Variants in CDH3 observed in about 807,000 individuals in gnomAD.
The protein encoded by CDH3 is cadherin-3.
CDH3 carries 54 observed loss-of-function variants against 82.0 expected under a neutral mutation model. The ratio of observed to expected loss-of-function variants is 0.66; its 90% CI spans 0.53 to 0.83. The LOEUF is 0.83. CDH3 is among the 40% of genes least tolerant of loss of function. The pLI is 0.00. For missense variants in CDH3, 1,054 were observed against 1,084.6 expected (o/e 0.97, Z 0.40); for synonymous variants, 446 against 437.9 (o/e 1.02, Z -0.23).
At chr16:68,688,282 C>T (rs575528525) in intron 12 of CDH3, among the ~76,000 whole-genome samples, 2 of 151,950 alleles carry the variant, frequency 1.3e-5, no homozygotes, top group South Asian at 2.1e-4. Context: ...CACCCGGCTG[C>T]GTTATGGCTT....
downstream of CDH3, among the ~76,000 whole-genome samples, chr16:68,702,787 C>T (rs1013495016): frequency 6.6e-6 from 1 of 151,972 alleles, no homozygotes; most frequent in Non-Finnish European, 1.5e-5. Context: ...ATCGCTTGAG[C>T]CCAGGAAGCA....
chr16:68,694,550 AGGCG>A (rs1961657069), intron 13 of CDH3, among the ~76,000 whole-genome samples: 1 of 150,314 alleles, frequency 6.7e-6, no homozygotes, highest in African/African-American at 2.5e-5. Flanking sequence ...TGAACCTGGG[AGGCG>A]GAGGTTGCAG....
chr16:68,645,473 G>A lies in CDH3; in HGVS notation c.45+49G>A, dbSNP rs760826178. The stretch of plus-strand genomic sequence containing the variant: ...CCCGACCGGGACCGCTCCCTGGGGG[G>A]CGGGCGGGGTCCGCATGGGGCAGTG... On this transcript the variant is annotated intron_variant, in intron 1 of 15. Transcript: ENST00000264012. The A allele has an allele frequency of 3.8e-6, 6 of 1,598,948 alleles. No individual in the cohort carries two copies. In the African/African-American group the frequency reaches 4.0e-5, roughly 11 times the overall value.
At chr16:68,712,590 G>A (rs921457894) in intron 1 of CDH3, among the ~76,000 whole-genome samples, 5 of 152,120 alleles carry the variant, frequency 3.3e-5, no homozygotes, top group Admixed American at 1.3e-4. Flanking sequence ...ACATTGTGCA[G>A]ATGGTGAAGA....
In CDH3 at chr16:68,698,554, G is replaced by T. The variant is rs1886699; in HGVS notation, c.*154G>T. 562,849 of 657,706 alleles carry T rather than the reference G, an allele frequency of 0.86. 241,922 individuals are homozygous for T. The highest frequency in any genetic ancestry group is 0.89 in the Non-Finnish European group (332,600 of 375,782). 40.7% of individuals were successfully genotyped at this position (657,706 alleles called of 1,614,324 possible). On this transcript the variant is annotated 3_prime_UTR_variant, in exon 16 of 16. Transcript: ENST00000264012. ...GCTATGAGTCTGACGTTAGAGTGGT[G>T]GCTTCCTTAGCCTTTCAGGATGGAG...
chr16:68,725,535 A>T (rs552195408), intron 2 of CDH3, among the ~76,000 whole-genome samples: 36 of 151,810 alleles, frequency 2.4e-4, no homozygotes, highest in African/African-American at 5.3e-4. Flanking sequence ...GGGTTTCACC[A>T]TGTTAGCCAG....
chr16:68,716,942 A>C lies in CDH3; in HGVS notation c.100-5483A>C, dbSNP rs188257095. Among the ~76,000 whole-genome samples the C allele has an allele frequency of 2.6e-3, 391 of 149,754 alleles. 13 individuals carry two copies. In the East Asian group the frequency reaches 0.067, roughly 26 times the overall value. On this transcript the variant is annotated intron_variant, in intron 1 of 2. Transcript: ENST00000569080. Reference sequence around the variant, plus strand: ...GAGACAGGGTCTCACTATGTTGTCCAGGCTACTCTCAAATTCCTGAGCTCA... The same window carrying C: ...GAGACAGGGTCTCACTATGTTGTCCCGGCTACTCTCAAATTCCTGAGCTCA...
rs935956977 is a variant in CDH3 at position 68,698,552 on chromosome 16, G to A, written c.*152G>A. ...AGGCTATGAGTCTGACGTTAGAGTG[G>A]TGGCTTCCTTAGCCTTTCAGGATGG... On this transcript the variant is annotated 3_prime_UTR_variant, in exon 16 of 16. Coordinates refer to ENST00000264012, the MANE Select transcript of CDH3 (RefSeq NM_001793.6). The A allele has an allele frequency of 7.3e-6, 5 of 686,366 alleles. No individual in the cohort carries two copies. The African/African-American group carries it at 8.9e-5, about 12-fold the overall frequency. The allele number at this position is 686,366 out of a possible 1,614,324, so 42.5% of individuals were successfully genotyped here.
chr16:68,663,677 G>A (rs61628060), intron 2 of CDH3, among the ~76,000 whole-genome samples: 52,575 of 151,920 alleles, frequency 0.35, 10,046 homozygotes, highest in East Asian at 0.63. Flanking sequence ...GAGATGGAAG[G>A]GGCCTAAGTC....
chr16:68,673,401 A>G (rs992569331), intron 2 of CDH3, among the ~76,000 whole-genome samples: 1 of 152,048 alleles, frequency 6.6e-6, no homozygotes, highest in Non-Finnish European at 1.5e-5. Flanking sequence ...TCCCCAACAG[A>G]AACTCTGTAC....
intron 3 of CDH3, among the ~76,000 whole-genome samples, chr16:68,677,880 C>G (rs1961075645): frequency 6.6e-6 from 1 of 152,128 alleles, no homozygotes; most frequent in Non-Finnish European, 1.5e-5. Flanking sequence ...TAAGTAAACA[C>G]CGAGTTTCCC....
At position 68,685,267 on chromosome 16, in the gene CDH3, C is replaced by T; in HGVS notation, c.1487C>T (p.Thr496Ile). The change falls in exon 11 of 16, where the codon ACA becomes ATA. Residue 496 changes from threonine (T) to isoleucine (I), a missense_variant. Physicochemically the swap from Thr to Ile is moderately conservative, Grantham distance 89 (BLOSUM62 -1). Transcript: ENST00000264012. ...ATGGACCCAGACAGTGGGCAGGTCA[C>T]AGCTGTGGGCACCCTCGACCGTGAG... ...LAMDPDSGQV[T>I]AVGTLDREDE... The T allele has an allele frequency of 6.2e-7, 1 of 1,614,152 alleles. No homozygotes were observed.
chr16:68,684,621 C>G lies in CDH3; in HGVS notation c.1221C>G (p.Tyr407Ter), dbSNP rs368241091. 1 of 1,614,208 alleles carries G rather than the reference C, an allele frequency of 6.2e-7. No individual in the cohort carries two copies. The highest frequency in any genetic ancestry group is 8.5e-7 in the Non-Finnish European group (1 of 1,180,030). ...AGGCCAAAAACCAGCACACCCTGTACGTTGAAGTGACCAACGAGGCCCCTT... is the reference window on the plus strand; with the variant it reads ...AGGCCAAAAACCAGCACACCCTGTAGGTTGAAGTGACCAACGAGGCCCCTT... ...DFEAKNQHTL[Y>*]VEVTNEAPFV... The change falls in exon 10 of 16, where the codon TAC (tyrosine) becomes TAG (stop). Residue 407 changes from tyrosine to a stop codon, truncating the protein, a stop_gained. Transcript: ENST00000264012. LOFTEE classifies it high-confidence loss of function.
chr16:68,709,242 A>AT lies in CDH3; in HGVS notation c.100-13177dup, dbSNP rs530328296. 2.0e-3 allele frequency among the ~76,000 whole-genome samples: 298 copies of AT among 151,956 alleles called. 2 individuals are homozygous for AT. Among genetic ancestry groups the AT allele is most frequent in the Middle Eastern group, 3.4e-3 (1 of 294 alleles). On this transcript the variant is annotated intron_variant, in intron 1 of 2. Coordinates refer to the CDH3 transcript ENST00000569080. ...AGGTGTGTACCACCACCCCCAGCTG[A>AT]TTTTTTGTTTTTGGTAAGGAAGGGG...
chr16:68,681,666 C>T (rs528515179), intron 8 of CDH3, among the ~76,000 whole-genome samples: 6 of 152,224 alleles, frequency 3.9e-5, no homozygotes, highest in Admixed American at 6.5e-5. Flanking sequence ...GGCGAAACCC[C>T]GTCTCTACTA....
chr16:68,672,220 TA>T (rs1229452362), intron 2 of CDH3, among the ~76,000 whole-genome samples: 26 of 139,212 alleles, frequency 1.9e-4, no homozygotes, highest in Admixed American at 3.6e-4. Flanking sequence ...AAATAAAAAA[TA>T]AAAAAAAAAG....
At chr16:68,692,010 A>G in intron 13 of CDH3, 84 bp downstream of exon 13, 1 of 1,092,914 alleles carries the variant, frequency 9.1e-7, no homozygotes, top group Non-Finnish European at 1.3e-6. Flanking sequence ...TCCTGGAACT[A>G]AGAGGCCACC....
downstream of CDH3, among the ~76,000 whole-genome samples, chr16:68,703,156 C>T (rs1036345318): frequency 2.0e-5 from 3 of 152,178 alleles, no homozygotes; most frequent in African/African-American, 4.8e-5. Context: ...CCCAAAGGGA[C>T]TAAAGGGGCT....
intron 1 of CDH3, among the ~76,000 whole-genome samples, chr16:68,714,435 C>T (rs986396645): frequency 3.9e-5 from 6 of 152,212 alleles, no homozygotes; most frequent in African/African-American, 1.4e-4. Flanking sequence ...AGTCTCTCAA[C>T]GACTTTGCCT....
Sources: gnomAD v4.1 joint callset for allele counts (sites outside exome capture counted in the v4.1 genomes callset) on GRCh38, gnomAD v4.1.1 for gene constraint, MANE v1.5 for transcripts, NCBI Gene and HGNC (gene_info 2026-07-23, HGNC 2026-07-21) for gene names.